The following WIF1 variants were observed in gnomAD, a reference collection of about 807,000 sequenced individuals.
The protein encoded by WIF1 is Wnt inhibitory factor 1.
In WIF1, 35 loss-of-function variants were observed where a neutral mutation model predicts 53.5. The observed-to-expected ratio is 0.65, with a 90% CI of 0.50 to 0.87. The LOEUF is 0.87. Among genes scored for constraint, WIF1 ranks in the 40% least tolerant of loss-of-function variants. WIF1 has a pLI of 0.00. For synonymous variants in WIF1, 171 were observed against 170.4 expected, an observed-to-expected ratio of 1.00 and a Z score of -0.03; for missense variants, 467 against 476.8, an observed-to-expected ratio of 0.98 and a Z score of 0.19.
chr12:65,052,930 C>T (rs1592385084), intron 9 of WIF1, among the ~76,000 whole-genome samples: 1 of 152,194 alleles, frequency 6.6e-6, no homozygotes, highest in East Asian at 1.9e-4. Context: ...GTGGGGATCA[C>T]TGGGATCTGG....
At chr12:65,089,303 C>T (rs73312839) in intron 2 of WIF1, among the ~76,000 whole-genome samples, 3,832 of 152,162 alleles carry the variant, frequency 0.025, 181 homozygotes, top group African/African-American at 0.088. Flanking sequence ...TACCAACTAC[C>T]TCCACAAATT....
Position 65,077,786 on chromosome 12 carries a change from G to A in WIF1, c.357C>T (p.Val119=), listed in dbSNP as rs756773983. The A allele has an allele frequency of 6.2e-7, 1 of 1,613,816 alleles. No individual in the cohort carries two copies. Among genetic ancestry groups the A allele is most frequent in the Admixed American group, 1.7e-5 (1 of 59,976 alleles). Residue 119 remains valine, a synonymous_variant, in exon 3 of 10, where the codon GTC becomes GTT. Coordinates refer to ENST00000286574, the MANE Select transcript of WIF1 (RefSeq NM_007191.5). ...LDKGIMADPT[V]NVPLLGTVPH... is the part of the protein sequence containing the mutation. ...GCACTGTTCCCAGCAGAGGGACATT[G>A]ACGGTTGGATCTGCCATGATGCCTT...
chr12:65,075,836 A>G (rs1882852707), intron 3 of WIF1, among the ~76,000 whole-genome samples: 2 of 152,208 alleles, frequency 1.3e-5, no homozygotes, highest in Admixed American at 1.3e-4. Context: ...AATTGAAAAA[A>G]ATGCAATAAG....
intron 2 of WIF1, among the ~76,000 whole-genome samples, chr12:65,098,592 G>A (rs1169072386): frequency 1.3e-5 from 2 of 152,130 alleles, no homozygotes; most frequent in East Asian, 1.9e-4. Context: ...GGCCAGAACT[G>A]AGTCACCAAG....
At chr12:65,088,891 A>C (rs1883082313) in intron 2 of WIF1, among the ~76,000 whole-genome samples, 1 of 152,092 alleles carries the variant, frequency 6.6e-6, no homozygotes, top group Non-Finnish European at 1.5e-5. Context: ...GGGGGAGCAG[A>C]TTCTAGCTTT....
At chr12:65,116,564 T>C (rs1391911826) in intron 2 of WIF1, among the ~76,000 whole-genome samples, 2 of 151,902 alleles carry the variant, frequency 1.3e-5, no homozygotes, top group Non-Finnish European at 2.9e-5. Flanking sequence ...TACAATGTAA[T>C]AATAATAGAA....
chr12:65,116,869 G>A (rs531523102), intron 2 of WIF1, among the ~76,000 whole-genome samples: 66 of 139,528 alleles, frequency 4.7e-4, no homozygotes, highest in Non-Finnish European at 7.9e-4. Context: ...GGAGGCAGAC[G>A]TTGCAGTGAG....
At chr12:65,057,516 T>C (rs1410785808) in intron 7 of WIF1, among the ~76,000 whole-genome samples, 1 of 152,198 alleles carries the variant, frequency 6.6e-6, no homozygotes, top group Non-Finnish European at 1.5e-5. Flanking sequence ...GATAAGTTAC[T>C]TTTTACCTAG....
In WIF1 at chr12:65,067,778, C is replaced by T. The variant is rs1200325289; in HGVS notation, c.551G>A (p.Gly184Asp). The change falls in exon 5 of 10, where the codon GGC (glycine) becomes GAC (aspartate). Residue 184 changes from glycine (G) to aspartate (D), a missense_variant. Transcript: ENST00000286574. ...ACAAAAGCCTCCATTTCGGCACCCGCCTGGGCACTCAGCTTCAGCAGAGAG... is the reference window on the plus strand; with the variant it reads ...ACAAAAGCCTCCATTTCGGCACCCGTCTGGGCACTCAGCTTCAGCAGAGAG... ...FKTCQQAECP[G>D]GCRNGGFCNE... The T allele has an allele frequency of 1.9e-6, 3 of 1,613,206 alleles. No individual in the cohort carries two copies. Among genetic ancestry groups the T allele is most frequent in the South Asian group, 2.2e-5 (2 of 91,060 alleles).
At chr12:65,060,390 C>T (rs973657822) in intron 7 of WIF1, among the ~76,000 whole-genome samples, 2 of 152,212 alleles carry the variant, frequency 1.3e-5, no homozygotes, top group South Asian at 2.1e-4. Context: ...ATATATACTA[C>T]ACCATGGGTA....
At chr12:65,093,622 A>G (rs1883157826) in intron 2 of WIF1, among the ~76,000 whole-genome samples, 1 of 152,186 alleles carries the variant, frequency 6.6e-6, no homozygotes, top group African/African-American at 2.4e-5. Context: ...TATAAAACAA[A>G]TGAAAGCAGA....
chr12:65,068,528 T>G (rs1882722135), intron 4 of WIF1, among the ~76,000 whole-genome samples: 1 of 152,052 alleles, frequency 6.6e-6, no homozygotes, highest in Non-Finnish European at 1.5e-5. Context: ...ACGTTTCCTA[T>G]TCCTAATATT....
At position 65,067,848 on chromosome 12, in the gene WIF1, C is replaced by T. The variant is rs572881078; in HGVS notation, c.539-58G>A. ...ACCCTTGAAATCATGTTGGGTGAAT[C>T]ACAGCCAGTGTGAGACAGTAGTGTT... On this transcript the variant is annotated intron_variant, in intron 4 of 9. Transcript: ENST00000286574. 77 of 1,477,850 alleles carry T rather than the reference C, an allele frequency of 5.2e-5. 1 individual carries two copies. The African/African-American group carries it at 9.5e-4, about 18-fold the overall frequency. The allele number at this position is 1,477,850 out of a possible 1,614,324, so 91.5% of individuals were successfully genotyped here.
At chr12:65,059,098 C>T (rs1476528455) in intron 7 of WIF1, among the ~76,000 whole-genome samples, 1 of 150,734 alleles carries the variant, frequency 6.6e-6, no homozygotes, top group Non-Finnish European at 1.5e-5. Context: ...TAAAGACAAA[C>T]AGATTTGACT....
chr12:65,116,503 C>T (rs1045532911), intron 2 of WIF1, among the ~76,000 whole-genome samples: 1 of 151,924 alleles, frequency 6.6e-6, no homozygotes, highest in Admixed American at 6.6e-5. Flanking sequence ...AACCTCAGGG[C>T]TCCCACTGAT....
intron 2 of WIF1, among the ~76,000 whole-genome samples, chr12:65,093,190 A>G (rs1014718541): frequency 6.6e-6 from 1 of 152,134 alleles, no homozygotes; most frequent in Non-Finnish European, 1.5e-5. Flanking sequence ...CCAAAGACCT[A>G]AAGAGAAAGT....
intron 2 of WIF1, among the ~76,000 whole-genome samples, chr12:65,097,028 A>C (rs1883215465): frequency 6.6e-6 from 1 of 151,936 alleles, no homozygotes; most frequent in African/African-American, 2.4e-5. Flanking sequence ...TTAAAAAAAA[A>C]AAAAAAAGAA....
chr12:65,070,205 A>G (rs1433236929), intron 3 of WIF1, among the ~76,000 whole-genome samples: 1 of 152,176 alleles, frequency 6.6e-6, no homozygotes, highest in African/African-American at 2.4e-5. Context: ...TGGCATTGTC[A>G]GTGTTCATTG....
At chr12:65,073,259 G>C (rs1882810488) in intron 3 of WIF1, among the ~76,000 whole-genome samples, 1 of 152,144 alleles carries the variant, frequency 6.6e-6, no homozygotes, top group South Asian at 2.1e-4. Flanking sequence ...CAAATACTTA[G>C]CACAAACTCT....
Sources: allele counts gnomAD v4.1 joint callset (sites outside exome capture counted in the v4.1 genomes callset), GRCh38; gene constraint gnomAD v4.1.1; transcripts MANE v1.5; gene names NCBI Gene and HGNC (gene_info 2026-07-23, HGNC 2026-07-21).